IQCM: variants seen among roughly 807,000 people sequenced by gnomAD.
IQCM encodes the protein IQ motif containing M.
In IQCM, 45 loss-of-function variants were observed where a neutral mutation model predicts 57.6. That is an observed-to-expected ratio of 0.78 (90% confidence interval 0.62 to 1.00). The LOEUF (loss-of-function observed/expected upper bound fraction) is 1.00. Ranked by LOEUF, IQCM falls within the 50% of genes least tolerant of loss-of-function variation. The pLI is 0.00. For missense variants in IQCM, 468 were observed against 511.6 expected (o/e 0.91, Z 0.82); for synonymous variants, 148 against 158.9 (o/e 0.93, Z 0.51).
At chr4:149,581,462 C>G (rs1005867480) in intron 9 of IQCM, among the ~76,000 whole-genome samples, 1 of 151,216 alleles carries the variant, frequency 6.6e-6, no homozygotes, top group African/African-American at 2.4e-5. Flanking sequence ...GACTACTTTT[C>G]TTGTATAATA....
rs187535750 is a variant in IQCM, at chr4:149,392,876, A to G, written c.1390+40520T>C. 2.0e-5 allele frequency among the ~76,000 whole-genome samples: 3 copies of G among 152,162 alleles called. No individual in the cohort carries two copies. The East Asian group carries it at 5.8e-4, about 30-fold the overall frequency. On this transcript the variant is annotated intron_variant, in intron 13 of 13. Coordinates refer to ENST00000636793, the MANE Select transcript of IQCM (RefSeq NM_001363507.2). Reference sequence around the variant, plus strand: ...TTTTAAGGAATATGATTTGAACCAAAATATAAACAAATATTTGGGAGTTGT... The same window carrying G: ...TTTTAAGGAATATGATTTGAACCAAGATATAAACAAATATTTGGGAGTTGT...
intron 12 of IQCM, among the ~76,000 whole-genome samples, chr4:149,508,133 C>T (rs1209840784): frequency 6.6e-6 from 1 of 151,956 alleles, no homozygotes; most frequent in Non-Finnish European, 1.5e-5. Context: ...TGCCTGGATG[C>T]CCAGGTAGAA....
intron 8 of IQCM, among the ~76,000 whole-genome samples, chr4:149,620,877 T>C (rs1756272713): frequency 6.6e-6 from 1 of 152,232 alleles, no homozygotes; most frequent in Non-Finnish European, 1.5e-5. Context: ...AACCATGTGA[T>C]GATCGCTTTA....
At chr4:149,669,225 G>T (rs1476791657) in intron 7 of IQCM, among the ~76,000 whole-genome samples, 4 of 152,082 alleles carry the variant, frequency 2.6e-5, no homozygotes, top group Admixed American at 6.6e-5. Flanking sequence ...TTTCTCTGAT[G>T]GTCAGTGATG....
intron 13 of IQCM, among the ~76,000 whole-genome samples, chr4:149,367,505 C>G (rs569631129): frequency 6.6e-6 from 1 of 152,084 alleles, no homozygotes; most frequent in African/African-American, 2.4e-5. Flanking sequence ...TAGTGTATCT[C>G]TAATTCATTA....
intron 2 of IQCM, among the ~76,000 whole-genome samples, chr4:149,750,562 G>A (rs144266744): frequency 9.2e-5 from 14 of 152,180 alleles, no homozygotes; most frequent in African/African-American, 2.4e-4. Context: ...GAAGAGTCCC[G>A]TATCAATACA....
At chr4:149,467,562 T>G (rs1738990703) in intron 12 of IQCM, among the ~76,000 whole-genome samples, 1 of 152,334 alleles carries the variant, frequency 6.6e-6, no homozygotes, top group East Asian at 1.9e-4. Flanking sequence ...ATAAAAAGTT[T>G]AATGAAAAGA....
intron 7 of IQCM, among the ~76,000 whole-genome samples, chr4:149,670,152 T>C (rs2150175595): frequency 6.6e-6 from 1 of 152,302 alleles, no homozygotes; most frequent in South Asian, 2.1e-4. Context: ...TTTTATTTCG[T>C]TGAGCAGTGG....
chr4:149,574,447 A>G (rs949021164), intron 9 of IQCM, among the ~76,000 whole-genome samples: 1 of 151,874 alleles, frequency 6.6e-6, no homozygotes, highest in Non-Finnish European at 1.5e-5. Context: ...TACTAATGTC[A>G]CTCTAAGAAT....
chr4:149,741,150 T>C (rs1767418038), intron 3 of IQCM, among the ~76,000 whole-genome samples: 1 of 152,160 alleles, frequency 6.6e-6, no homozygotes, highest in Non-Finnish European at 1.5e-5. Context: ...TTCAACATTT[T>C]TTTCCGTAAT....
chr4:149,558,580 A>T (rs1437054775), intron 10 of IQCM, among the ~76,000 whole-genome samples: 1 of 152,160 alleles, frequency 6.6e-6, no homozygotes, highest in Non-Finnish European at 1.5e-5. Context: ...ATGAAGAACA[A>T]TAAAGTGTTT....
chr4:149,600,264 C>T (rs960466938), intron 8 of IQCM, among the ~76,000 whole-genome samples: 8 of 152,042 alleles, frequency 5.3e-5, no homozygotes, highest in African/African-American at 1.7e-4. Context: ...TAGAGTCTGC[C>T]TTGTGCTTTA....
At chr4:149,354,189 C>A (rs560450162) in intron 13 of IQCM, among the ~76,000 whole-genome samples, 1 of 149,488 alleles carries the variant, frequency 6.7e-6, no homozygotes, top group African/African-American at 2.5e-5. Context: ...ACGGTGAAAC[C>A]CCGTCTCTAC....
At position 149,610,558 on chromosome 4, in the gene IQCM, G is replaced by A. The variant is rs911382203; in HGVS notation, c.681+10571C>T. 2.0e-5 allele frequency among the ~76,000 whole-genome samples: 3 copies of A among 151,870 alleles called. No individual in the cohort carries two copies. In the East Asian group the frequency reaches 5.8e-4, roughly 29 times the overall value. On this transcript the variant is annotated intron_variant, in intron 8 of 13. Coordinates refer to ENST00000636793, the MANE Select transcript of IQCM (RefSeq NM_001363507.2). ...GTGGAACAGAACAGAGAAACAAGAA[G>A]TAAATTCATGTATTTACAGTAAACT... is the stretch of plus-strand genomic sequence containing the variant.
intron 9 of IQCM, among the ~76,000 whole-genome samples, chr4:149,569,440 G>GA (rs540863634): frequency 9.2e-5 from 14 of 151,760 alleles, no homozygotes; most frequent in Admixed American, 3.3e-4. Flanking sequence ...AATCCATATG[G>GA]AAAAAAAATA....
At chr4:149,766,169 A>C (rs1770032990) in intron 2 of IQCM, among the ~76,000 whole-genome samples, 1 of 151,994 alleles carries the variant, frequency 6.6e-6, no homozygotes, top group Non-Finnish European at 1.5e-5. Context: ...GGGCTGTAAC[A>C]CTTATTGCTG....
chr4:149,682,985 T>C (rs1171289278), intron 6 of IQCM, among the ~76,000 whole-genome samples: 1 of 151,196 alleles, frequency 6.6e-6, no homozygotes, highest in African/African-American at 2.4e-5. Context: ...TCATTCCTTT[T>C]CTCTGTTTAA....
intron 12 of IQCM, among the ~76,000 whole-genome samples, chr4:149,478,716 A>T (rs1413180230): frequency 6.6e-6 from 1 of 152,170 alleles, no homozygotes; most frequent in East Asian, 1.9e-4. Context: ...TGAGGCAAGC[A>T]GGAACGATCC....
At chr4:149,809,227 C>T (rs1225808095) in intron 2 of IQCM, among the ~76,000 whole-genome samples, 3 of 151,566 alleles carry the variant, frequency 2.0e-5, no homozygotes, top group African/African-American at 2.4e-5. Context: ...CACACCACTG[C>T]ACTCCAGCCT....
Sources: allele counts gnomAD v4.1 joint callset (sites outside exome capture counted in the v4.1 genomes callset), GRCh38; gene constraint gnomAD v4.1.1; transcripts MANE v1.5; gene names NCBI Gene and HGNC (gene_info 2026-07-23, HGNC 2026-07-21).